SHLD1: variants seen among roughly 807,000 people sequenced by gnomAD.
SHLD1 encodes RINN1-REV7-interacting novel NHEJ regulator 3.
SHLD1 carries 3 observed loss-of-function variants against 5.5 expected under a neutral mutation model. The observed-to-expected ratio is 0.54, with a 90% CI of 0.25 to 1.40. The LOEUF (loss-of-function observed/expected upper bound fraction) is 1.40. Ranked by LOEUF, SHLD1 falls within the 40% of genes most tolerant of loss-of-function variation. The probability of loss-of-function intolerance (pLI) is 0.15; values close to 1 mark genes in which losing one functional copy is unlikely to be tolerated. For synonymous variants in SHLD1, 92 were observed against 94.3 expected (o/e 0.98, Z 0.14); for missense variants, 210 against 244.4 (o/e 0.86, Z 0.94).
intron 2 of SHLD1, among the ~76,000 whole-genome samples, chr20:5,850,099 C>A (rs1001720715): frequency 5.8e-5 from 8 of 138,742 alleles, no homozygotes; most frequent in African/African-American, 2.1e-4. Flanking sequence ...GGCAACACAG[C>A]AAGACCCCGT....
intron 2 of SHLD1, among the ~76,000 whole-genome samples, chr20:5,853,206 A>G (rs1326946960): frequency 1.3e-5 from 2 of 152,126 alleles, no homozygotes; most frequent in Non-Finnish European, 2.9e-5. Flanking sequence ...AAATAAACAA[A>G]TGGTCGGGCA....
At chr20:5,792,190 C>A (rs1364883914) in intron 2 of SHLD1, among the ~76,000 whole-genome samples, 1 of 152,072 alleles carries the variant, frequency 6.6e-6, no homozygotes, top group African/African-American at 2.4e-5. Flanking sequence ...CTTTGATGTG[C>A]AAAAGTTTTT....
intron 2 of SHLD1, among the ~76,000 whole-genome samples, chr20:5,789,113 G>C (rs1026115716): frequency 3.3e-5 from 5 of 151,128 alleles, no homozygotes; most frequent in Admixed American, 3.3e-4. Context: ...GGGAGACAGA[G>C]AGAGTGAGAC....
At chr20:5,816,104 AAAAG>A (rs1431018360) in intron 2 of SHLD1, among the ~76,000 whole-genome samples, 33 of 149,550 alleles carry the variant, frequency 2.2e-4, no homozygotes, top group African/African-American at 6.1e-4. Flanking sequence ...AAAAAAAAAA[AAAAG>A]AAAGAAAAAG....
At chr20:5,765,249 A>G (rs969060137) in intron 1 of SHLD1, 1 of 151,146 alleles carries the variant, frequency 6.6e-6, no homozygotes, top group Non-Finnish European at 1.5e-5. Context: ...ATATTTGTTT[A>G]TTTATTTATT....
chr20:5,825,022 T>C (rs1023894306), intron 2 of SHLD1, among the ~76,000 whole-genome samples: 4 of 152,240 alleles, frequency 2.6e-5, no homozygotes, highest in Non-Finnish European at 5.9e-5. Flanking sequence ...TATTAGCAGT[T>C]GGAACCTGAA....
chr20:5,849,499 C>T (rs190320046), intron 2 of SHLD1, among the ~76,000 whole-genome samples: 1 of 152,338 alleles, frequency 6.6e-6, no homozygotes, highest in Admixed American at 6.5e-5. Context: ...CATCAAATCT[C>T]AGCCCTCTGG....
Position 5,863,119 on chromosome 20 carries a change from G to A in SHLD1, c.274G>A (p.Asp92Asn), listed in dbSNP as rs1320908702. 13 of 1,614,052 alleles carry A rather than the reference G, an allele frequency of 8.1e-6. No homozygotes were observed. Among genetic ancestry groups the A allele is most frequent in the Non-Finnish European group, 1.1e-5 (13 of 1,180,032 alleles). The change falls in exon 3 of 3, where the codon GAT (aspartate) becomes AAT (asparagine). Residue 92 changes from aspartate to asparagine, a missense_variant. Physicochemically the swap from Asp to Asn is conservative, Grantham distance 23. Coordinates refer to ENST00000303142, the MANE Select transcript of SHLD1 (RefSeq NM_152504.4). ...AVKGQSEKEE[D>N]DGLRKSLDRF... Reference sequence around the variant, plus strand: ...GAAAGGCCAGTCAGAGAAGGAAGAGGATGATGGCCTTCGGAAATCCCTGGA... The same window carrying A: ...GAAAGGCCAGTCAGAGAAGGAAGAGAATGATGGCCTTCGGAAATCCCTGGA...
intron 2 of SHLD1, among the ~76,000 whole-genome samples, chr20:5,832,780 A>C (rs973989885): frequency 6.7e-6 from 1 of 149,720 alleles, no homozygotes; most frequent in African/African-American, 2.5e-5. Flanking sequence ...CCTGAACTTA[A>C]AAGCTGGAAA....
intron 2 of SHLD1, among the ~76,000 whole-genome samples, chr20:5,809,183 A>G (rs112476160): frequency 0.014 from 2,182 of 152,254 alleles, 34 homozygotes; most frequent in African/African-American, 0.024. Flanking sequence ...AAATCACCAA[A>G]GAACTAAATG....
chr20:5,822,462 A>G (rs2087616711), intron 2 of SHLD1, among the ~76,000 whole-genome samples: 1 of 152,138 alleles, frequency 6.6e-6, no homozygotes, highest in Non-Finnish European at 1.5e-5. Context: ...CTATCTCAAA[A>G]AAATTAATTA....
At chr20:5,797,285 G>C (rs1305918013) in intron 2 of SHLD1, among the ~76,000 whole-genome samples, 1 of 152,190 alleles carries the variant, frequency 6.6e-6, no homozygotes, top group East Asian at 1.9e-4. Context: ...TGTGGGCTGG[G>C]CACAGTGGCT....
intron 1 of SHLD1, among the ~76,000 whole-genome samples, chr20:5,760,464 G>A (rs1600090635): frequency 6.6e-6 from 1 of 152,036 alleles, no homozygotes; most frequent in Non-Finnish European, 1.5e-5. Flanking sequence ...AGGCTGAGAC[G>A]GGTGGATCAC....
At chr20:5,833,205 A>G (rs1389021354) in intron 2 of SHLD1, among the ~76,000 whole-genome samples, 1 of 152,096 alleles carries the variant, frequency 6.6e-6, no homozygotes, top group African/African-American at 2.4e-5. Context: ...GACTCCTCTG[A>G]GCTTGTCCCC....
chr20:5,765,666 G>T (rs1984787252), intron 1 of SHLD1, among the ~76,000 whole-genome samples: 1 of 151,340 alleles, frequency 6.6e-6, no homozygotes, highest in Admixed American at 6.6e-5. Context: ...CTGGCCCAAG[G>T]TTGTTCACAC....
chr20:5,852,415 C>CCCTT (rs71334360), intron 2 of SHLD1, among the ~76,000 whole-genome samples: 3,073 of 150,074 alleles, frequency 0.02, 83 homozygotes, highest in African/African-American at 0.058. Context: ...TCCTTTCCCT[C>CCCTT]CCTTCCTTCC....
rs1457312234 is a variant in SHLD1, at chr20:5,855,871, C to T, written c.179-7153C>T. 6.6e-6 allele frequency among the ~76,000 whole-genome samples: 1 copy of T among 152,182 alleles called. No individual in the cohort carries two copies. The highest frequency in any genetic ancestry group is 1.5e-5 in the Non-Finnish European group (1 of 68,042). On this transcript the variant is annotated intron_variant, in intron 2 of 2. Transcript: ENST00000303142. The surrounding 1 kb of genome is among the most constrained non-coding windows in gnomAD (Gnocchi z 4.4). ...CTCATCCTTTTGAAATCAGGCTTGG[C>T]CATATGACTTCACGTTAGCCAGTGA...
At chr20:5,773,369 T>C in intron 2 of SHLD1, 1 of 573,016 alleles carries the variant, frequency 1.7e-6, no homozygotes, top group Non-Finnish European at 3.1e-6. Flanking sequence ...TTTTTTTTGT[T>C]TTGTTCTTTT....
chr20:5,829,638 G>T (rs766813302), intron 2 of SHLD1, among the ~76,000 whole-genome samples: 4 of 152,086 alleles, frequency 2.6e-5, no homozygotes, highest in Admixed American at 6.5e-5. Context: ...GCCTCTTTTC[G>T]GCCTTAATAA....
Sources: allele counts gnomAD v4.1 joint callset (sites outside exome capture counted in the v4.1 genomes callset), GRCh38; gene constraint gnomAD v4.1.1; non-coding constraint Gnocchi (gnomAD v3.1); transcripts MANE v1.5; gene names NCBI Gene and HGNC (gene_info 2026-07-23, HGNC 2026-07-21).